Variants in RBFOX2 observed in about 807,000 individuals in gnomAD.
RBFOX2 encodes the protein RNA binding fox-1 homolog 2.
Under a neutral mutation model 49.1 loss-of-function variants are expected in RBFOX2, and 10 were observed. That is an observed-to-expected ratio of 0.20 (90% CI 0.13 to 0.35). The LOEUF (loss-of-function observed/expected upper bound fraction) is 0.35. Among genes scored for constraint, RBFOX2 ranks in the 10% least tolerant of loss-of-function variants. RBFOX2 has a pLI of 1.00. For synonymous variants in RBFOX2, 183 were observed against 187.4 expected (o/e 0.98, Z 0.19); for missense variants, 323 against 486.9 (o/e 0.66, Z 3.17).
chr22:35,911,529 T>A (rs2049829142), intron 1 of RBFOX2, among the ~76,000 whole-genome samples: 1 of 152,174 alleles, frequency 6.6e-6, no homozygotes, highest in Non-Finnish European at 1.5e-5. Flanking sequence ...GGATACCACA[T>A]TCTCTAATCA....
upstream of RBFOX2, among the ~76,000 whole-genome samples, chr22:35,841,716 C>T (rs1427123048): frequency 6.6e-6 from 1 of 152,148 alleles, no homozygotes; most frequent in Admixed American, 6.5e-5. Flanking sequence ...TTAAGCTTCC[C>T]ATTTTTAATT....
At chr22:35,828,777 C>T (rs1365150854) in intron 1 of RBFOX2, among the ~76,000 whole-genome samples, 1 of 152,140 alleles carries the variant, frequency 6.6e-6, no homozygotes, top group Non-Finnish European at 1.5e-5. Flanking sequence ...TGAGGTCGGG[C>T]GTGGTGGCTC....
intron 1 of RBFOX2, among the ~76,000 whole-genome samples, chr22:35,925,757 C>T (rs2051560774): frequency 6.6e-6 from 1 of 152,158 alleles, no homozygotes; most frequent in Non-Finnish European, 1.5e-5. Flanking sequence ...GAACAGAGTA[C>T]CTTACACAAA....
chr22:35,865,649 G>A (rs1178158606), intron 1 of RBFOX2, among the ~76,000 whole-genome samples: 1 of 152,078 alleles, frequency 6.6e-6, no homozygotes, highest in Non-Finnish European at 1.5e-5. Context: ...CTAAACTAGT[G>A]TGGATATAAC....
At chr22:35,837,240 A>C (rs1957835188) in intron 1 of RBFOX2, among the ~76,000 whole-genome samples, 1 of 152,208 alleles carries the variant, frequency 6.6e-6, no homozygotes, top group Non-Finnish European at 1.5e-5. Context: ...ATGATGAAAA[A>C]GTCATTCACT....
intron 1 of RBFOX2, among the ~76,000 whole-genome samples, chr22:36,015,802 C>A (rs988986072): frequency 1.3e-5 from 2 of 151,982 alleles, no homozygotes; most frequent in African/African-American, 2.4e-5. Context: ...GCCTTTTACC[C>A]GAAATTATTA....
intron 1 of RBFOX2, among the ~76,000 whole-genome samples, chr22:35,857,139 T>C (rs2042606380): frequency 6.6e-6 from 1 of 152,128 alleles, no homozygotes; most frequent in Non-Finnish European, 1.5e-5. Flanking sequence ...GAAAAGTAGG[T>C]AGGTTCACTA....
intron 1 of RBFOX2, among the ~76,000 whole-genome samples, chr22:35,890,754 T>C (rs1371698789): frequency 6.6e-6 from 1 of 152,088 alleles, no homozygotes; most frequent in Non-Finnish European, 1.5e-5. Flanking sequence ...AACACTCAGG[T>C]GCACTGAGGA....
At chr22:35,956,358 C>T (rs1169223689) in intron 1 of RBFOX2, among the ~76,000 whole-genome samples, 1 of 151,748 alleles carries the variant, frequency 6.6e-6, no homozygotes, top group East Asian at 1.9e-4. Context: ...GACAGGCTTG[C>T]TTCATTTTTT....
rs542378879 is a variant in RBFOX2, at chr22:35,799,621, A to G, written c.252+10159T>C. 4.6e-5 allele frequency among the ~76,000 whole-genome samples: 7 copies of G among 152,252 alleles called. No homozygotes were observed. In the East Asian group the frequency reaches 1.2e-3, roughly 25 times the overall value. Reference sequence around the variant, plus strand: ...ACAGCAACAAACAGTACAAATAGGGACAACTGATCTTAAAAGACTTATGAT... The same window carrying G: ...ACAGCAACAAACAGTACAAATAGGGGCAACTGATCTTAAAAGACTTATGAT... On this transcript the variant is annotated intron_variant, in intron 2 of 11. Transcript: ENST00000405409.
chr22:35,775,841 C>CAAAAAAAAA lies in RBFOX2; in HGVS notation c.453+2175_453+2183dup, dbSNP rs753116056. Among the ~76,000 whole-genome samples the CAAAAAAAAA allele has an allele frequency of 1.7e-3, 98 of 56,076 alleles. 7 individuals carry two copies. Among genetic ancestry groups the CAAAAAAAAA allele is most frequent in the Middle Eastern group, 8.1e-3 (1 of 124 alleles). 36.8% of individuals were successfully genotyped at this position (56,076 alleles called of 152,430 possible). A position where few individuals can be genotyped will look rare whatever the true frequency, so the allele number is the denominator to read the frequency against. On this transcript the variant is annotated intron_variant, in intron 4 of 11. Coordinates refer to ENST00000405409, the Ensembl canonical transcript of RBFOX2. Reference sequence around the variant, plus strand: ...TGGGCAACAGAGCGAGAATCTGCCTCAAAAAAAAAAAAAAAAAAAAGAAAA... The same window carrying CAAAAAAAAA: ...TGGGCAACAGAGCGAGAATCTGCCTCAAAAAAAAAAAAAAAAAAAAAAAAAAAAAGAAAA...
intron 1 of RBFOX2, among the ~76,000 whole-genome samples, chr22:35,814,710 CAAAAAA>C (rs55971445): frequency 2.3e-4 from 7 of 31,020 alleles, no homozygotes; most frequent in African/African-American, 6.9e-4. Context: ...AACCCTGTCT[CAAAAAA>C]AAAAAAAAAA....
At chr22:35,800,697 AG>A (rs1218045215) in intron 2 of RBFOX2, among the ~76,000 whole-genome samples, 2 of 144,732 alleles carry the variant, frequency 1.4e-5, no homozygotes, top group African/African-American at 5.5e-5. Flanking sequence ...AATTGTACCT[AG>A]TTTTTTTTTT....
chr22:35,971,932 A>C (rs1012371868), intron 1 of RBFOX2, among the ~76,000 whole-genome samples: 4 of 150,984 alleles, frequency 2.6e-5, no homozygotes, highest in Middle Eastern at 3.4e-3. Context: ...AAAAAAAAAA[A>C]AAAAAACACT....
At chr22:35,792,097 A>G (rs1468103068) in intron 2 of RBFOX2, among the ~76,000 whole-genome samples, 5 of 151,992 alleles carry the variant, frequency 3.3e-5, no homozygotes, top group African/African-American at 7.3e-5. Context: ...CAGGTGGATC[A>G]CTTGAGGTTA....
chr22:35,761,140 C>T lies in RBFOX2; in HGVS notation c.754+62G>A, dbSNP rs1938669044. 1.2e-5 allele frequency: 16 copies of T among 1,361,270 alleles called. No homozygotes were observed. The South Asian group carries it at 1.8e-4, about 15-fold the overall frequency. The allele number at this position is 1,361,270 out of a possible 1,614,324, so 84.3% of individuals were successfully genotyped here. ...TGTACTGTACTAGGAAAAAAAAAAA[C>T]AGTACATGATAGTTCACTCACAACA... On this transcript the variant is annotated intron_variant, in intron 8 of 11. Coordinates refer to ENST00000405409, the Ensembl canonical transcript of RBFOX2.
At chr22:35,857,286 C>T (rs1297954426) in intron 1 of RBFOX2, among the ~76,000 whole-genome samples, 1 of 152,028 alleles carries the variant, frequency 6.6e-6, no homozygotes, top group African/African-American at 2.4e-5. Flanking sequence ...AAGGGAACAA[C>T]CTAAAGGTGG....
At chr22:35,923,456 C>A (rs996559679) in intron 1 of RBFOX2, among the ~76,000 whole-genome samples, 3 of 152,118 alleles carry the variant, frequency 2.0e-5, no homozygotes, top group Admixed American at 2.0e-4. Context: ...ACTGAAGCCT[C>A]GAACTCCTAG....
At chr22:35,877,206 A>G (rs1485379985) in intron 1 of RBFOX2, among the ~76,000 whole-genome samples, 2 of 152,226 alleles carry the variant, frequency 1.3e-5, no homozygotes, top group Non-Finnish European at 2.9e-5. Context: ...ATAAGGAAAA[A>G]GAAACAGCAA....
Sources: gnomAD v4.1 joint callset for allele counts (sites outside exome capture counted in the v4.1 genomes callset) on GRCh38, gnomAD v4.1.1 for gene constraint, MANE v1.5 for transcripts, NCBI Gene and HGNC (gene_info 2026-07-23, HGNC 2026-07-21) for gene names.